Variants in MTIF2 observed in about 807,000 individuals in gnomAD.
MTIF2 encodes the protein translation initiation factor IF-2, mitochondrial.
In MTIF2, 71 loss-of-function variants were observed where a neutral mutation model predicts 83.5. The ratio of observed to expected loss-of-function variants is 0.85; its 90% CI spans 0.70 to 1.04. The LOEUF (loss-of-function observed/expected upper bound fraction) is 1.04. Ranked by LOEUF, MTIF2 falls within the 50% of genes least tolerant of loss-of-function variation. The pLI is 0.00. For synonymous variants in MTIF2, 319 were observed against 287.1 expected (o/e 1.11, Z -1.12); for missense variants, 957 against 846.5 (o/e 1.13, Z -1.62).
Position 55,236,680 on chromosome 2 carries a change from G to C in MTIF2, c.2152C>G (p.Gln718Glu). 6.3e-7 allele frequency: 1 copy of C among 1,599,302 alleles called. No individual in the cohort carries two copies. The highest frequency in any genetic ancestry group is 8.5e-7 in the Non-Finnish European group (1 of 1,176,114). Residue 718 changes from glutamine (Q) to glutamate (E), a missense_variant, in exon 16 of 16, where the codon CAA (glutamine) becomes GAA (glutamate). By Grantham distance (29) the Gln-to-Glu change is conservative. Around this residue, in one of 3 missense-constraint regions of MTIF2, gnomAD observed 221 missense variants for 180.6 expected, o/e 1.22. Coordinates refer to ENST00000263629, the MANE Select transcript of MTIF2 (RefSeq NM_002453.3). Reference sequence around the variant, plus strand: ...CCTGGATCCCAAGAAGTCTTGGCTTGAATTTGCTTTTCTTCATAACAAACA... The same window carrying C: ...CCTGGATCCCAAGAAGTCTTGGCTTCAATTTGCTTTTCTTCATAACAAACA... ...RIVCYEEKQI[Q>E]AKTSWDPGF
chr2:55,260,770 T>C (rs1036415840), intron 5 of MTIF2, among the ~76,000 whole-genome samples: 1 of 152,128 alleles, frequency 6.6e-6, no homozygotes, highest in South Asian at 2.1e-4. Flanking sequence ...CTATTAATTC[T>C]TTTTTTCCCC....
chr2:55,256,788 G>A (rs1383554671), intron 5 of MTIF2, among the ~76,000 whole-genome samples: 1 of 151,940 alleles, frequency 6.6e-6, no homozygotes, highest in African/African-American at 2.4e-5. Flanking sequence ...CACTGCAGTA[G>A]CCTCAAATTC....
chr2:55,249,675 A>C, intron 8 of MTIF2, 141 bp from the exon 9 acceptor site: 1 of 871,680 alleles, frequency 1.1e-6, no homozygotes, highest in Non-Finnish European at 1.7e-6. Flanking sequence ...AAAATGACCC[A>C]CTTTAGAGTC....
chr2:55,237,278 T>A lies in MTIF2; in HGVS notation c.2011+10A>T. 1 of 1,606,242 alleles carries A rather than the reference T, an allele frequency of 6.2e-7. No individual in the cohort carries two copies. Among genetic ancestry groups the A allele is most frequent in the South Asian group, 1.1e-5 (1 of 89,698 alleles). Reference sequence around the variant, plus strand: ...GATATGCTATTATAGGAGATTTTGATGTTGCTTACCCTTCCAAATTACATG... The same window carrying A: ...GATATGCTATTATAGGAGATTTTGAAGTTGCTTACCCTTCCAAATTACATG... On this transcript the variant is annotated intron_variant, in intron 15 of 15. Coordinates refer to ENST00000263629, the MANE Select transcript of MTIF2 (RefSeq NM_002453.3).
intron 13 of MTIF2, among the ~76,000 whole-genome samples, chr2:55,242,682 T>TA (rs113749554): frequency 2.0e-5 from 3 of 151,768 alleles, no homozygotes; most frequent in Admixed American, 6.6e-5. Context: ...ATGGTGCTTT[T>TA]AAAAAAAAAA....
intron 6 of MTIF2, 24 bp downstream of exon 6, chr2:55,254,630 C>A (rs199645491): frequency 6.5e-7 from 1 of 1,541,422 alleles, no homozygotes; most frequent in South Asian, 1.3e-5. Flanking sequence ...CCAAACCCTG[C>A]CAGTATATAC....
At chr2:55,263,491 C>G in intron 4 of MTIF2, 149 bp downstream of exon 4, 2 of 607,444 alleles carry the variant, frequency 3.3e-6, no homozygotes, top group Non-Finnish European at 5.7e-6. Context: ...ATGCCTGTAA[C>G]CCCAGCTACT....
chr2:55,265,393 A>T (rs1403742212), intron 3 of MTIF2, among the ~76,000 whole-genome samples: 2 of 151,780 alleles, frequency 1.3e-5, no homozygotes, highest in Non-Finnish European at 2.9e-5. Context: ...CGTTAAAGCA[A>T]GCTTGCCAAT....
Position 55,240,006 on chromosome 2 carries a change from C to T in MTIF2, c.1870+5G>A, listed in dbSNP as rs753162543. ...TTTTAAAAGTAACATTCAGTGATCA[C>T]TCACCTACTGGGTGCTCTTCCACAG... On this transcript the variant is annotated splice_donor_5th_base_variant and intron_variant, in intron 14 of 15. Coordinates refer to ENST00000263629, the MANE Select transcript of MTIF2 (RefSeq NM_002453.3). 4 of 1,598,500 alleles carry T rather than the reference C, an allele frequency of 2.5e-6. No individual in the cohort carries two copies. The highest frequency in any genetic ancestry group is 3.4e-6 in the Non-Finnish European group (4 of 1,170,188).
intron 3 of MTIF2, among the ~76,000 whole-genome samples, chr2:55,265,869 T>C (rs995567128): frequency 9.2e-5 from 14 of 152,216 alleles, no homozygotes; most frequent in African/African-American, 3.4e-4. Flanking sequence ...TTTAAAAAGA[T>C]GGTTCTGTCT....
chr2:55,254,452 T>G (rs1407775053), intron 6 of MTIF2, among the ~76,000 whole-genome samples: 2 of 152,210 alleles, frequency 1.3e-5, no homozygotes, highest in Non-Finnish European at 2.9e-5. Context: ...ATGTATACAT[T>G]CAGCAAATTT....
intron 9 of MTIF2, among the ~76,000 whole-genome samples, chr2:55,248,518 TAGC>T (rs1022664420): frequency 1.3e-5 from 2 of 152,208 alleles, no homozygotes; most frequent in Non-Finnish European, 2.9e-5. Context: ...AATTGTCACT[TAGC>T]AGCAACCTCT....
At chr2:55,255,381 A>G (rs1677429706) in intron 5 of MTIF2, among the ~76,000 whole-genome samples, 7 of 147,072 alleles carry the variant, frequency 4.8e-5, no homozygotes, top group Admixed American at 4.1e-4. Context: ...TACTATATAT[A>G]TATTTATATA....
At chr2:55,240,739 C>T (rs943422451) in intron 13 of MTIF2, among the ~76,000 whole-genome samples, 1 of 152,114 alleles carries the variant, frequency 6.6e-6, no homozygotes, top group Non-Finnish European at 1.5e-5. Flanking sequence ...ATTTAAGGAA[C>T]ATTAAGTGCC....
intron 15 of MTIF2, 45 bp downstream of exon 15, chr2:55,237,243 T>G: frequency 1.3e-6 from 2 of 1,572,496 alleles, no homozygotes; most frequent in Non-Finnish European, 1.7e-6. Context: ...TCAACAGGTC[T>G]TGGTGACTGG....
chr2:55,236,944 G>T, intron 15 of MTIF2, 124 bp from the exon 16 acceptor site: 1 of 811,480 alleles, frequency 1.2e-6, no homozygotes, highest in Non-Finnish European at 1.8e-6. Context: ...GTCTTGTCAA[G>T]TTAAATGATG....
intron 5 of MTIF2, among the ~76,000 whole-genome samples, chr2:55,258,641 G>T (rs542912138): frequency 6.6e-6 from 1 of 151,922 alleles, no homozygotes; most frequent in Non-Finnish European, 1.5e-5. Flanking sequence ...CTGAAACCTC[G>T]TCTCTAATAA....
Position 55,263,668 on chromosome 2 carries a change from G to T in MTIF2, c.191C>A (p.Ser64Tyr). 1 of 1,613,686 alleles carries T rather than the reference G, an allele frequency of 6.2e-7. No homozygotes were observed. The highest frequency in any genetic ancestry group is 1.1e-5 in the South Asian group (1 of 91,066). ...TTTTGTTACTAGAAGCCTATACTGA[G>T]ATAAAGCAGCCCCAGTGAGCACATC... The part of the protein sequence containing the change: ...PTDVLTGAAL[S>Y]QYRLLVTKKE... The change falls in exon 4 of 16, where the codon TCT (serine) becomes TAT (tyrosine). Residue 64 changes from serine to tyrosine, a missense_variant. By Grantham distance (144) the Ser-to-Tyr change is moderately radical (BLOSUM62 -2). This residue lies in a region of MTIF2 where 733 missense variants were observed against 648.7 expected (regional missense o/e 1.13). Coordinates refer to ENST00000263629, the MANE Select transcript of MTIF2 (RefSeq NM_002453.3).
At position 55,249,490 on chromosome 2, in the gene MTIF2, C is replaced by A; in HGVS notation, c.886G>T (p.Asp296Tyr). Residue 296 changes from aspartate to tyrosine, a missense_variant, in exon 9 of 16, where the codon GAT (aspartate) becomes TAT (tyrosine). Transcript: ENST00000263629. ...AVNKCDKAEA[D>Y]PEKVKKELLA... ...AGCTCTTTTTTCACTTTCTCAGGAT[C>A]AGCCTCAGCTTTGTCACATTTATTT... is the stretch of plus-strand genomic sequence containing the variant. 1 of 1,614,104 alleles carries A rather than the reference C, an allele frequency of 6.2e-7. No individual in the cohort carries two copies. The highest frequency in any genetic ancestry group is 8.5e-7 in the Non-Finnish European group (1 of 1,180,004).
Sources: allele counts gnomAD v4.1 joint callset (sites outside exome capture counted in the v4.1 genomes callset), GRCh38; gene constraint gnomAD v4.1.1; regional missense constraint gnomAD v4.1.1; transcripts MANE v1.5; gene names NCBI Gene and HGNC (gene_info 2026-07-23, HGNC 2026-07-21).